Variants in MAPT observed in about 807,000 individuals in gnomAD.
MAPT encodes microtubule associated protein tau.
A neutral mutation model predicts 67.9 loss-of-function variants in MAPT; 34 were observed. The observed-to-expected ratio is 0.50, with a 90% CI of 0.38 to 0.67. The LOEUF is 0.67. Ranked by LOEUF, MAPT falls within the 30% of genes least tolerant of loss-of-function variation. The probability of loss-of-function intolerance (pLI) is 0.00; values close to 1 mark genes in which losing one functional copy is unlikely to be tolerated. For synonymous variants in MAPT, 456 were observed against 464.5 expected (o/e 0.98, Z 0.23); for missense variants, 881 against 1,115.2 (o/e 0.79, Z 2.99).
intron 12 of MAPT, among the ~76,000 whole-genome samples, chr17:46,021,326 G>C (rs964772458): frequency 3.9e-5 from 6 of 152,356 alleles, no homozygotes; most frequent in African/African-American, 1.4e-4. Flanking sequence ...CGCCTCAAGA[G>C]ATGTGGGGGC....
intron 2 of MAPT, among the ~76,000 whole-genome samples, chr17:45,966,200 A>G (rs2071062701): frequency 1.3e-5 from 2 of 152,240 alleles, no homozygotes; most frequent in Admixed American, 6.5e-5. Flanking sequence ...GATGTTCACA[A>G]CAAGGGAACT....
In MAPT at chr17:46,027,013, G is replaced by A. The variant is rs1406114633; in HGVS notation, c.*2842G>A. The stretch of plus-strand genomic sequence containing the variant: ...CTGGGCCCAGAACTCTCCACCAAGA[G>A]CCTCCCTGCCGTTCGCTGAGTCCCA... On this transcript the variant is annotated 3_prime_UTR_variant, in exon 13 of 13. Coordinates refer to ENST00000262410, the MANE Select transcript of MAPT (RefSeq NM_001377265.1). 1.3e-5 allele frequency: 2 copies of A among 152,050 alleles called. No homozygotes were observed. The highest frequency in any genetic ancestry group is 2.9e-5 in the Non-Finnish European group (2 of 67,994). The allele number at this position is 152,050 out of a possible 1,614,324, so 9.4% of individuals were successfully genotyped here. A position where few individuals can be genotyped will look rare whatever the true frequency, so the allele number is the denominator to read the frequency against.
intron 2 of MAPT, 94 bp downstream of exon 2, chr17:45,962,564 T>C: frequency 1.4e-6 from 2 of 1,467,648 alleles, no homozygotes. Context: ...AAATTTTAAA[T>C]ACATTATTGT....
intron 9 of MAPT, among the ~76,000 whole-genome samples, chr17:46,005,080 G>A (rs74846646): frequency 0.14 from 21,768 of 152,080 alleles, 2,127 homozygotes; most frequent in Non-Finnish European, 0.22. Flanking sequence ...CACCGTGCCC[G>A]GCCAGAAAAA....
rs1363275990 is a variant in MAPT, at chr17:46,010,948, A to G, written c.2091+546A>G. Among the ~76,000 whole-genome samples, 1 of 152,226 alleles carries G rather than the reference A, an allele frequency of 6.6e-6. No individual in the cohort carries two copies. Among genetic ancestry groups the G allele is most frequent in the African/African-American group, 2.4e-5 (1 of 41,458 alleles). On this transcript the variant is annotated intron_variant, in intron 10 of 12. Transcript: ENST00000262410. The surrounding 1 kb of genome is among the most constrained non-coding windows in gnomAD (Gnocchi z 4.7). ...CTCAGCTGCTGCTCCTACACGTTCA[A>G]GGCAGGAGCCGATTCCTAAGCCTCC...
intron 1 of MAPT, among the ~76,000 whole-genome samples, chr17:45,927,106 A>G (rs62059005): frequency 0.14 from 21,798 of 151,948 alleles, 2,134 homozygotes; most frequent in Middle Eastern, 0.22. Context: ...TGAAGGGAAT[A>G]TGGTATTTAT....
intron 9 of MAPT, among the ~76,000 whole-genome samples, chr17:45,997,556 G>C (rs1039905014): frequency 6.6e-6 from 1 of 152,142 alleles, no homozygotes; most frequent in Non-Finnish European, 1.5e-5. Context: ...TCAGGAGTTC[G>C]AGACCAACCT....
At chr17:45,960,749 T>C (rs1412630116) in intron 1 of MAPT, among the ~76,000 whole-genome samples, 1 of 151,846 alleles carries the variant, frequency 6.6e-6, no homozygotes, top group East Asian at 1.9e-4. Context: ...GCCCAGGAGT[T>C]TGAGACCAGC....
At chr17:45,989,326 A>C (rs2073867271) in intron 6 of MAPT, among the ~76,000 whole-genome samples, 1 of 152,118 alleles carries the variant, frequency 6.6e-6, no homozygotes, top group Admixed American at 6.5e-5. Context: ...ACGTACTAGA[A>C]CTTCCATTCC....
rs560068621 is a variant in MAPT, at chr17:46,008,377, T to TA, written c.1999-1932dup. ...AGTGCTAGGATTACAGGAGCCACTG[T>TA]ACCCAGCCTAGGATATGATATCACT... On this transcript the variant is annotated intron_variant, in intron 9 of 12. Coordinates refer to ENST00000262410, the MANE Select transcript of MAPT (RefSeq NM_001377265.1). 1.4e-4 allele frequency among the ~76,000 whole-genome samples: 21 copies of TA among 152,176 alleles called. No individual in the cohort carries two copies. In the East Asian group the frequency reaches 4.1e-3, roughly 29 times the overall value.
intron 1 of MAPT, among the ~76,000 whole-genome samples, chr17:45,960,968 C>T (rs2070342055): frequency 6.6e-6 from 1 of 152,100 alleles, no homozygotes; most frequent in South Asian, 2.1e-4. Flanking sequence ...CCACCATGTT[C>T]CAAGAGAAGA....
chr17:45,993,572 C>T (rs1161298198), intron 8 of MAPT, among the ~76,000 whole-genome samples: 3 of 152,212 alleles, frequency 2.0e-5, no homozygotes, highest in African/African-American at 7.2e-5. Context: ...GGCCACCACG[C>T]CCTGCTAATT....
rs368385027 is a variant in MAPT, at chr17:45,999,353, T to C, written c.1998+2689T>C. 2.0e-5 allele frequency: 33 copies of C among 1,613,892 alleles called. No homozygotes were observed. In the African/African-American group the frequency reaches 2.9e-4, roughly 14 times the overall value. ...AGACTGTGCAGGTGGCCGGCCCTCATTGAATGCGGGGTTAATTTAACTCAG... is the reference window on the plus strand; with the variant it reads ...AGACTGTGCAGGTGGCCGGCCCTCACTGAATGCGGGGTTAATTTAACTCAG... On this transcript the variant is annotated intron_variant, in intron 9 of 12. Coordinates refer to ENST00000262410, the MANE Select transcript of MAPT (RefSeq NM_001377265.1).
At chr17:46,014,469 A>G in intron 11 of MAPT, 145 bp downstream of exon 11, 1 of 715,686 alleles carries the variant, frequency 1.4e-6, no homozygotes, top group Non-Finnish European at 2.5e-6. Context: ...TGAGTGTGAA[A>G]CTTGCGGGAG....
At chr17:46,022,210 C>T (rs545287159) in intron 12 of MAPT, among the ~76,000 whole-genome samples, 2 of 152,100 alleles carry the variant, frequency 1.3e-5, no homozygotes, top group African/African-American at 4.8e-5. Context: ...CAAAAATTAG[C>T]TGGGTGTGGT....
At chr17:46,023,850 C>CA in intron 12 of MAPT, 106 bp from the exon 13 acceptor site, 1 of 950,280 alleles carries the variant, frequency 1.1e-6, no homozygotes, top group Non-Finnish European at 1.7e-6. Flanking sequence ...CAAAAACAAA[C>CA]AAAAAACAGT....
chr17:45,943,272 C>A (rs1476625312), intron 1 of MAPT, among the ~76,000 whole-genome samples: 1 of 152,172 alleles, frequency 6.6e-6, no homozygotes, highest in East Asian at 1.9e-4. Context: ...CCAAGCTGAT[C>A]TCGAACTTTT....
Position 46,010,275 on chromosome 17 carries a change from GGC to G in MAPT, c.1999-33_1999-32del. ...GCGAGCAAGCAGGCGGGTCCAGGGT[GGC>G]GTGTCACTCATCCTTTTTTCTGGCT... On this transcript the variant is annotated intron_variant, in intron 9 of 12. Coordinates refer to ENST00000262410, the MANE Select transcript of MAPT (RefSeq NM_001377265.1). The surrounding 1 kb of genome is among the most constrained non-coding windows in gnomAD (Gnocchi z 4.7). The G allele has an allele frequency of 7.0e-7, 1 of 1,426,450 alleles. No homozygotes were observed. The highest frequency in any genetic ancestry group is 9.7e-7 in the Non-Finnish European group (1 of 1,033,466). The allele number at this position is 1,426,450 out of a possible 1,614,324, so 88.4% of individuals were successfully genotyped here.
Position 46,014,610 on chromosome 17 carries a change from C to A in MAPT, c.2173+286C>A, listed in dbSNP as rs1334676348. On this transcript the variant is annotated intron_variant, in intron 11 of 12. Transcript: ENST00000262410. Reference sequence around the variant, plus strand: ...ATATTCTCGGCCGGGCGCTGTGGCTCACGCCTGTAATTCCAGCACTTTGGG... The same window carrying A: ...ATATTCTCGGCCGGGCGCTGTGGCTAACGCCTGTAATTCCAGCACTTTGGG... 3.9e-5 allele frequency among the ~76,000 whole-genome samples: 6 copies of A among 152,154 alleles called. No individual in the cohort carries two copies. The East Asian group carries it at 1.2e-3, about 29-fold the overall frequency.
Sources: allele counts gnomAD v4.1 joint callset (sites outside exome capture counted in the v4.1 genomes callset), GRCh38; gene constraint gnomAD v4.1.1; non-coding constraint Gnocchi (gnomAD v3.1); transcripts MANE v1.5; gene names NCBI Gene and HGNC (gene_info 2026-07-23, HGNC 2026-07-21).